HS3ST5: variants seen among roughly 807,000 people sequenced by gnomAD.
The protein encoded by HS3ST5 is heparan sulfate-glucosamine 3-sulfotransferase 5.
Under a neutral mutation model 25.4 loss-of-function variants are expected in HS3ST5, and 10 were observed. The ratio of observed to expected loss-of-function variants is 0.39; its 90% CI spans 0.24 to 0.67. The LOEUF is 0.67. Among genes scored for constraint, HS3ST5 ranks in the 30% least tolerant of loss-of-function variants. HS3ST5 has a pLI of 0.44. For synonymous variants in HS3ST5, 170 were observed against 162.4 expected (o/e 1.05, Z -0.36); for missense variants, 324 against 420.7 (o/e 0.77, Z 2.01).
chr6:114,224,269 T>G (rs1044530977), intron 2 of HS3ST5, among the ~76,000 whole-genome samples: 3 of 151,684 alleles, frequency 2.0e-5, no homozygotes, highest in Non-Finnish European at 4.4e-5. Flanking sequence ...TAAGTGTATT[T>G]TTTATATTTA....
chr6:114,164,676 G>C (rs941133472), intron 3 of HS3ST5, among the ~76,000 whole-genome samples: 1 of 152,166 alleles, frequency 6.6e-6, no homozygotes, highest in Admixed American at 6.5e-5. Context: ...AACATCTGGA[G>C]TAAGTAATTC....
At position 114,289,520 on chromosome 6, in the gene HS3ST5, T is replaced by G. The variant is rs148802935; in HGVS notation, c.-339+52675A>C. ...ATTTATAGAATTAATTCACCAAATATTCTCAACTTCTTCCAGCGTATCTGG... is the reference window on the plus strand; with the variant it reads ...ATTTATAGAATTAATTCACCAAATAGTCTCAACTTCTTCCAGCGTATCTGG... On this transcript the variant is annotated intron_variant, in intron 1 of 4. Transcript: ENST00000312719. Among the ~76,000 whole-genome samples, 515 of 152,244 alleles carry G rather than the reference T, an allele frequency of 3.4e-3. 3 individuals are homozygous for G. Among genetic ancestry groups the G allele is most frequent in the African/African-American group, 0.012 (495 of 41,550 alleles).
At chr6:114,276,238 G>A (rs948877012) in intron 1 of HS3ST5, among the ~76,000 whole-genome samples, 1 of 151,720 alleles carries the variant, frequency 6.6e-6, no homozygotes, top group Admixed American at 6.6e-5. Flanking sequence ...TGAGAGAGCT[G>A]GGATTAGAAT....
At chr6:114,103,306 G>A (rs1562197837) in intron 3 of HS3ST5, among the ~76,000 whole-genome samples, 1 of 151,718 alleles carries the variant, frequency 6.6e-6, no homozygotes. Context: ...ACTCCAGCCT[G>A]GGCAACAGAG....
At chr6:114,119,091 A>G (rs769608746) in intron 3 of HS3ST5, among the ~76,000 whole-genome samples, 15 of 152,260 alleles carry the variant, frequency 9.9e-5, no homozygotes, top group Non-Finnish European at 1.5e-4. Flanking sequence ...TGATTCAAAA[A>G]GAACGAAGGC....
At chr6:114,071,360 T>A (rs1472441462) in intron 3 of HS3ST5, among the ~76,000 whole-genome samples, 1 of 152,240 alleles carries the variant, frequency 6.6e-6, no homozygotes, top group East Asian at 1.9e-4. Flanking sequence ...ATGTTTTAGA[T>A]CTTAGGTTCT....
intron 1 of HS3ST5, among the ~76,000 whole-genome samples, chr6:114,276,616 AAAAAAAC>A (rs1202095746): frequency 0.02 from 2,961 of 149,310 alleles, 208 homozygotes; most frequent in Admixed American, 0.15. Flanking sequence ...TGTGGGAAAA[AAAAAAAC>A]AAAAAAACAA....
chr6:114,295,843 A>C (rs1183107879), intron 1 of HS3ST5, among the ~76,000 whole-genome samples: 1 of 152,168 alleles, frequency 6.6e-6, no homozygotes, highest in African/African-American at 2.4e-5. Context: ...AGCTTGTACA[A>C]TCTTCAGGGC....
At chr6:114,156,630 G>C (rs1778710575) in intron 3 of HS3ST5, among the ~76,000 whole-genome samples, 1 of 152,158 alleles carries the variant, frequency 6.6e-6, no homozygotes, top group African/African-American at 2.4e-5. Flanking sequence ...AGTTGCCACA[G>C]ATCTCCTTTT....
intron 3 of HS3ST5, among the ~76,000 whole-genome samples, chr6:114,068,379 A>G (rs1773592411): frequency 6.6e-6 from 1 of 152,234 alleles, no homozygotes; most frequent in Admixed American, 6.5e-5. Flanking sequence ...GCTAAGATAC[A>G]ATATCATAGC....
chr6:114,094,332 A>G (rs1186148343), intron 3 of HS3ST5, among the ~76,000 whole-genome samples: 1 of 152,250 alleles, frequency 6.6e-6, no homozygotes, highest in Non-Finnish European at 1.5e-5. Flanking sequence ...CACAGTGGAT[A>G]GGAAAGCAAC....
intron 1 of HS3ST5, among the ~76,000 whole-genome samples, chr6:114,274,167 A>T (rs1308476998): frequency 6.6e-6 from 1 of 152,032 alleles, no homozygotes; most frequent in African/African-American, 2.4e-5. Context: ...GCAGGCACAA[A>T]GGCTTGGGGC....
intron 3 of HS3ST5, among the ~76,000 whole-genome samples, chr6:114,075,865 G>A (rs1184393699): frequency 6.6e-6 from 1 of 152,066 alleles, no homozygotes; most frequent in Admixed American, 6.6e-5. Context: ...CGTCCTTGAG[G>A]CTCGTCTTTT....
At chr6:114,083,868 T>G (rs1180111675) in intron 3 of HS3ST5, among the ~76,000 whole-genome samples, 1 of 152,182 alleles carries the variant, frequency 6.6e-6, no homozygotes, top group Non-Finnish European at 1.5e-5. Flanking sequence ...AACCTATGTT[T>G]CATGTTTTCT....
rs550447946 is a variant in HS3ST5 at position 114,332,236 on chromosome 6, T to C, written c.-339+9959A>G. ...TAGAGAAAAATAGGTAGTAGGGGGT[T>C]AGGGCAGGACAAAGGGGTGGAGTTT... is the stretch of plus-strand genomic sequence containing the variant. On this transcript the variant is annotated intron_variant, in intron 1 of 4. Transcript: ENST00000312719. Among the ~76,000 whole-genome samples the C allele has an allele frequency of 3.0e-4, 46 of 152,252 alleles. No homozygotes were observed. The South Asian group carries it at 8.3e-3, about 27-fold the overall frequency.
chr6:114,127,437 C>G (rs1157752235), intron 3 of HS3ST5, among the ~76,000 whole-genome samples: 6 of 152,088 alleles, frequency 3.9e-5, no homozygotes, highest in African/African-American at 1.4e-4. Context: ...AAGAGTGATA[C>G]AAATTTCTTA....
At chr6:114,089,221 C>A (rs1476009541) in intron 3 of HS3ST5, among the ~76,000 whole-genome samples, 2 of 152,214 alleles carry the variant, frequency 1.3e-5, no homozygotes, top group Non-Finnish European at 1.5e-5. Context: ...ATATTTAAAA[C>A]AGAATTTCAG....
At chr6:114,176,718 A>C (rs963264165) in intron 2 of HS3ST5, among the ~76,000 whole-genome samples, 17 of 152,312 alleles carry the variant, frequency 1.1e-4, no homozygotes, top group South Asian at 2.1e-4. Flanking sequence ...GCTATCCCCC[A>C]AAAACAAGGC....
intron 1 of HS3ST5, among the ~76,000 whole-genome samples, chr6:114,297,291 G>C (rs60233932): frequency 0.059 from 8,927 of 152,142 alleles, 797 homozygotes; most frequent in African/African-American, 0.2. Context: ...GCCTTCACAG[G>C]GCTCCGGTTT....
Sources: allele counts gnomAD v4.1 joint callset (sites outside exome capture counted in the v4.1 genomes callset), GRCh38; gene constraint gnomAD v4.1.1; transcripts MANE v1.5; gene names NCBI Gene and HGNC (gene_info 2026-07-23, HGNC 2026-07-21).